The following MACF1 variants were observed in gnomAD, a reference collection of about 807,000 sequenced individuals.
MACF1 encodes microtubule actin crosslinking factor 1, also known as microtubule-actin cross-linking factor 1.
Under a neutral mutation model 854.8 loss-of-function variants are expected in MACF1, and 193 were observed. The observed-to-expected ratio is 0.23, with a 90% CI of 0.20 to 0.25. MACF1 has a LOEUF of 0.25. Ranked by LOEUF, MACF1 falls within the 10% of genes least tolerant of loss-of-function variation. The probability of loss-of-function intolerance (pLI) is 1.00; values close to 1 mark genes in which losing one functional copy is unlikely to be tolerated. For missense variants in MACF1, 7,722 were observed against 8,929.1 expected (o/e 0.86, Z 5.45); for synonymous variants, 3,185 against 3,226.7 (o/e 0.99, Z 0.44).
At chr1:39,104,731 C>T (rs1642176248) in intron 2 of MACF1, among the ~76,000 whole-genome samples, 1 of 152,168 alleles carries the variant, frequency 6.6e-6, no homozygotes, top group African/African-American at 2.4e-5. Context: ...GGATCTGCCC[C>T]GTCACTTCTT....
At chr1:39,437,266 CA>C (rs1389651039) in intron 70 of MACF1, among the ~76,000 whole-genome samples, 2 of 150,120 alleles carry the variant, frequency 1.3e-5, no homozygotes, top group Admixed American at 1.3e-4. Context: ...TTTAATGGGC[CA>C]GCTCTGTATA....
At chr1:39,307,603 C>A (rs899834288) in intron 23 of MACF1, among the ~76,000 whole-genome samples, 1 of 152,086 alleles carries the variant, frequency 6.6e-6, no homozygotes, top group Admixed American at 6.5e-5. Flanking sequence ...GAGACAGTCT[C>A]GCTCTGTCGC....
At chr1:39,216,324 C>G (rs1400044392) in intron 1 of MACF1, among the ~76,000 whole-genome samples, 1 of 152,088 alleles carries the variant, frequency 6.6e-6, no homozygotes, top group Non-Finnish European at 1.5e-5. Context: ...TGAAAAGTGA[C>G]AACTTCTGTT....
intron 2 of MACF1, among the ~76,000 whole-genome samples, chr1:39,134,338 A>C (rs1023563740): frequency 2.6e-5 from 4 of 151,686 alleles, no homozygotes; most frequent in African/African-American, 9.7e-5. Context: ...GAGCTACCGC[A>C]CCCGGCCAGA....
intron 99 of MACF1, among the ~76,000 whole-genome samples, chr1:39,483,855 G>A (rs1458915778): frequency 6.6e-6 from 1 of 152,174 alleles, no homozygotes; most frequent in Non-Finnish European, 1.5e-5. Context: ...CACCTACTTA[G>A]TGTTAAGAGA....
At chr1:39,123,880 A>G (rs1642792575) in intron 2 of MACF1, among the ~76,000 whole-genome samples, 1 of 151,648 alleles carries the variant, frequency 6.6e-6, no homozygotes, top group African/African-American at 2.4e-5. Flanking sequence ...GCATGCTACC[A>G]TGCCTGGCTA....
intron 86 of MACF1, 91 bp downstream of exon 86, chr1:39,452,441 G>C: frequency 7.5e-7 from 1 of 1,333,042 alleles, no homozygotes; most frequent in Non-Finnish European, 1.0e-6. Flanking sequence ...AGTCAGTCTT[G>C]AAATAAGTAT....
rs769607555 is a variant in MACF1, at chr1:39,385,577, G to T, written c.13992G>T (p.Trp4664Cys). 1.2e-6 allele frequency: 2 copies of T among 1,614,098 alleles called. No homozygotes were observed. The highest frequency in any genetic ancestry group is 2.2e-5 in the South Asian group (2 of 91,074). The change falls in exon 57 of 101, where the codon TGG (tryptophan) becomes TGT (cysteine). Residue 4664 changes from tryptophan to cysteine, a missense_variant. By Grantham distance (215) the Trp-to-Cys change is radical. Coordinates refer to ENST00000564288, the MANE Select transcript of MACF1 (RefSeq NM_001394062.1). Reference protein sequence around the residue: ...QKELQSINQKWVELTDKLNSR... With the variant: ...QKELQSINQKCVELTDKLNSR... ...AACTCCAGAGCATCAATCAGAAATG[G>T]GTTGAGCTGACTGACAAACTCAACT...
intron 44 of MACF1, among the ~76,000 whole-genome samples, chr1:39,356,983 A>G (rs1325885952): frequency 6.6e-6 from 1 of 152,216 alleles, no homozygotes; most frequent in Non-Finnish European, 1.5e-5. Context: ...GGGGATTAGC[A>G]TGTGGCATAC....
At chr1:39,473,126 C>T (rs988435064) in intron 97 of MACF1, among the ~76,000 whole-genome samples, 4 of 152,178 alleles carry the variant, frequency 2.6e-5, no homozygotes, top group Admixed American at 6.5e-5. Context: ...TTCGTTATGA[C>T]GTGTAAGCGT....
At position 39,453,795 on chromosome 1, in the gene MACF1, A is replaced by G; in HGVS notation, c.20831A>G (p.Asp6944Gly). The G allele has an allele frequency of 6.2e-7, 1 of 1,614,182 alleles. No individual in the cohort carries two copies. Among genetic ancestry groups the G allele is most frequent in the Non-Finnish European group, 8.5e-7 (1 of 1,180,022 alleles). Residue 6944 changes from aspartate (D) to glycine (G), a missense_variant, in exon 88 of 101, where the codon GAT (aspartate) becomes GGT (glycine). Coordinates refer to ENST00000564288, the MANE Select transcript of MACF1 (RefSeq NM_001394062.1). ...GEVILAVCHP[D>G]CITTIKHWIT... ...GTCATCCTGGCTGTCTGCCACCCCG[A>G]TTGCATCACAACCATCAAACACTGG...
chr1:39,463,794 G>A, intron 94 of MACF1, 108 bp downstream of exon 94: 1 of 944,334 alleles, frequency 1.1e-6, no homozygotes, highest in Admixed American at 1.9e-5. Context: ...GACTTGAGAT[G>A]TGGTCACTCT....
chr1:39,210,094 G>GA (rs76894261), intron 1 of MACF1, among the ~76,000 whole-genome samples: 215 of 129,432 alleles, frequency 1.7e-3, no homozygotes, highest in Middle Eastern at 4.0e-3. Context: ...CATCTCAGGA[G>GA]AAAAAAAAAA....
At chr1:39,229,335 C>CT (rs1228625805) in intron 1 of MACF1, among the ~76,000 whole-genome samples, 1 of 152,092 alleles carries the variant, frequency 6.6e-6, no homozygotes, top group Non-Finnish European at 1.5e-5. Flanking sequence ...TAAGAAAGTA[C>CT]TTATTGAATG....
chr1:39,217,806 C>T (rs919181087), intron 1 of MACF1, among the ~76,000 whole-genome samples: 14 of 150,258 alleles, frequency 9.3e-5, no homozygotes, highest in African/African-American at 3.2e-4. Flanking sequence ...GAGGGAAGAT[C>T]GCTTGAGCCT....
chr1:39,096,381 A>G (rs1461856784), intron 2 of MACF1, among the ~76,000 whole-genome samples: 1 of 151,186 alleles, frequency 6.6e-6, no homozygotes, highest in Non-Finnish European at 1.5e-5. Context: ...ACTGTGAACG[A>G]AAAAACCCAT....
Position 39,283,136 on chromosome 1 carries a change from C to G in MACF1, c.696-53C>G. 1.8e-6 allele frequency: 2 copies of G among 1,117,220 alleles called. No homozygotes were observed. Among genetic ancestry groups the G allele is most frequent in the South Asian group, 2.6e-5 (2 of 78,198 alleles). 69.2% of individuals were successfully genotyped at this position (1,117,220 alleles called of 1,614,324 possible). A position where few individuals can be genotyped will look rare whatever the true frequency, so the allele number is the denominator to read the frequency against. ...TCAGGAGGTTTTCTTTGTGTAAACT[C>G]ATGTGTGATGTGTAGATGGTGGCGT... On this transcript the variant is annotated intron_variant, in intron 7 of 100. Transcript: ENST00000564288. The surrounding 1 kb of genome is among the most constrained non-coding windows in gnomAD (Gnocchi z 4.5).
chr1:39,383,763 G>A (rs966889335), intron 56 of MACF1, among the ~76,000 whole-genome samples: 38 of 152,020 alleles, frequency 2.5e-4, no homozygotes, highest in Admixed American at 1.9e-3. Context: ...TGTAGTCCCA[G>A]CTGCTCGGGA....
intron 2 of MACF1, among the ~76,000 whole-genome samples, chr1:39,121,717 G>A (rs1256140115): frequency 1.3e-5 from 2 of 152,126 alleles, no homozygotes; most frequent in Admixed American, 6.5e-5. Context: ...CAAAGTGCTA[G>A]GATTATAGGC....
Sources: allele counts gnomAD v4.1 joint callset (sites outside exome capture counted in the v4.1 genomes callset), GRCh38; gene constraint gnomAD v4.1.1; non-coding constraint Gnocchi (gnomAD v3.1); transcripts MANE v1.5; gene names NCBI Gene and HGNC (gene_info 2026-07-23, HGNC 2026-07-21).